The following TNRC18 variants were observed in gnomAD, a reference collection of about 807,000 sequenced individuals.
TNRC18 encodes the protein trinucleotide repeat-containing gene 18 protein.
A neutral mutation model predicts 226.7 loss-of-function variants in TNRC18; 69 were observed. The ratio of observed to expected loss-of-function variants is 0.30; its 90% CI spans 0.25 to 0.37. The LOEUF is 0.37. Among genes scored for constraint, TNRC18 ranks in the 10% least tolerant of loss-of-function variants. TNRC18 has a pLI of 1.00. For synonymous variants in TNRC18, 2,449 were observed against 1,927.6 expected (o/e 1.27, Z -7.09); for missense variants, 4,754 against 4,256.6 (o/e 1.12, Z -3.25).
chr7:5,310,988 G>T (rs1319308556), intron 27 of TNRC18, among the ~76,000 whole-genome samples: 3 of 151,698 alleles, frequency 2.0e-5, no homozygotes, highest in Non-Finnish European at 4.4e-5. Flanking sequence ...GCACGTGCAT[G>T]GATGCACGTG....
chr7:5,419,245 GAGT>G (rs1212001481), intron 2 of TNRC18, among the ~76,000 whole-genome samples: 1 of 152,270 alleles, frequency 6.6e-6, no homozygotes, highest in African/African-American at 2.4e-5. Context: ...ATGCATGCAT[GAGT>G]AGTAGCTTGT....
chr7:5,391,032 T>C (rs1780258998), intron 3 of TNRC18, among the ~76,000 whole-genome samples: 1 of 152,208 alleles, frequency 6.6e-6, no homozygotes, highest in African/African-American at 2.4e-5. Flanking sequence ...CCCAAGACGA[T>C]ACAGCAGAGC....
At chr7:5,362,058 G>A (rs1793113721) in intron 12 of TNRC18, 25 bp from the exon 13 acceptor site, 1 of 1,609,064 alleles carries the variant, frequency 6.2e-7, no homozygotes, top group African/African-American at 1.3e-5. Flanking sequence ...GGGAGAGGAG[G>A]AGGGGGTGAG....
intron 26 of TNRC18, among the ~76,000 whole-genome samples, 168 bp from the exon 27 acceptor site, chr7:5,314,031 C>T (rs2128106074): frequency 6.6e-6 from 1 of 151,972 alleles, no homozygotes; most frequent in East Asian, 1.9e-4. Flanking sequence ...CATCAGGGCT[C>T]ATTGCAGCCC....
At chr7:5,409,018 C>T (rs889882541) in intron 2 of TNRC18, among the ~76,000 whole-genome samples, 1 of 152,136 alleles carries the variant, frequency 6.6e-6, no homozygotes. Context: ...CTGGCTTCAA[C>T]GTCAACAGAC....
chr7:5,315,213 C>T (rs1397397964), intron 25 of TNRC18, 65 bp from the exon 26 acceptor site: 1 of 1,526,584 alleles, frequency 6.6e-7, no homozygotes, highest in Non-Finnish European at 8.8e-7. Flanking sequence ...TTCCAAGACC[C>T]TGGTCTGTCC....
intron 19 of TNRC18, among the ~76,000 whole-genome samples, chr7:5,325,945 G>T (rs1788874851): frequency 6.6e-6 from 1 of 151,368 alleles, no homozygotes; most frequent in African/African-American, 2.4e-5. Context: ...TGTTGCCCAG[G>T]CTGGTCTCAA....
intron 14 of TNRC18, 60 bp downstream of exon 14, chr7:5,361,534 C>A: frequency 4.9e-6 from 7 of 1,435,332 alleles, no homozygotes; most frequent in Non-Finnish European, 5.5e-6. Flanking sequence ...CTGCGTGGGG[C>A]CCGGGCTCCT....
intron 18 of TNRC18, among the ~76,000 whole-genome samples, chr7:5,338,782 T>G (rs552044188): frequency 1.3e-5 from 2 of 151,030 alleles, no homozygotes; most frequent in African/African-American, 4.9e-5. Flanking sequence ...TAGCCAGGCA[T>G]GGAGGCGCAT....
In TNRC18 at chr7:5,309,517, G is replaced by A. The variant is rs116966902; in HGVS notation, c.8389-149C>T. The A allele has an allele frequency of 2.1e-5, 14 of 674,326 alleles. No individual in the cohort carries two copies. The highest frequency in any genetic ancestry group is 5.5e-5 in the East Asian group (2 of 36,548). 41.8% of individuals were successfully genotyped at this position (674,326 alleles called of 1,614,324 possible). ...GGGAGATGAGGAAGCTCCTTGTCTCGCTTCAAGTGGGGAAGCCCCTCTTCC... is the reference window on the plus strand; with the variant it reads ...GGGAGATGAGGAAGCTCCTTGTCTCACTTCAAGTGGGGAAGCCCCTCTTCC... On this transcript the variant is annotated intron_variant, in intron 27 of 29. Transcript: ENST00000430969. This position sits in a 1 kb window ranked among gnomAD's most constrained non-coding sequence, Gnocchi z 5.7.
chr7:5,320,086 G>C, intron 24 of TNRC18: 1 of 518,802 alleles, frequency 1.9e-6, no homozygotes, highest in East Asian at 3.3e-5. Flanking sequence ...CAAGGAGCTA[G>C]TGTGAAGCCA....
chr7:5,360,908 C>A (rs187329132), intron 14 of TNRC18, among the ~76,000 whole-genome samples: 4 of 152,304 alleles, frequency 2.6e-5, no homozygotes, highest in African/African-American at 2.4e-5. Context: ...TTCCTCAGGG[C>A]AGGTCTTGAG....
chr7:5,364,928 G>C (rs1017491829), intron 11 of TNRC18, among the ~76,000 whole-genome samples: 1 of 151,618 alleles, frequency 6.6e-6, no homozygotes, highest in Admixed American at 6.6e-5. Context: ...TATGAGCTTG[G>C]ACCTTATAAA....
At chr7:5,389,564 C>T (rs1007748736) in intron 4 of TNRC18, 1 of 357,334 alleles carries the variant, frequency 2.8e-6, no homozygotes, top group Non-Finnish European at 4.7e-6. Flanking sequence ...AAGCGATTCT[C>T]CTGCCTCAGC....
chr7:5,348,082 A>G (rs976741587), intron 17 of TNRC18, among the ~76,000 whole-genome samples: 6 of 152,214 alleles, frequency 3.9e-5, no homozygotes. Context: ...CAGTCCCCGG[A>G]GCCCAGCCCA....
chr7:5,406,623 G>T (rs971796729), intron 2 of TNRC18, among the ~76,000 whole-genome samples: 6 of 152,080 alleles, frequency 3.9e-5, no homozygotes, highest in African/African-American at 1.4e-4. Flanking sequence ...GGCAGAAGCG[G>T]GCGGATCACC....
chr7:5,388,476 T>C lies in TNRC18; in HGVS notation c.1348A>G (p.Thr450Ala), dbSNP rs535736669. The C allele has an allele frequency of 9.7e-4, 1,357 of 1,392,058 alleles. 15 individuals are homozygous for C. In the African/African-American group the frequency reaches 0.019, roughly 20 times the overall value. 86.2% of individuals were successfully genotyped at this position (1,392,058 alleles called of 1,614,324 possible). Residue 450 changes from threonine (T) to alanine (A), a missense_variant, in exon 5 of 30, where the codon ACA becomes GCA. Physicochemically the swap from Thr to Ala is moderately conservative, Grantham distance 58 (BLOSUM62 0). Transcript: ENST00000430969. ...GCGCGGGGGTCCGGGGAGGCGCGTG[T>C]GGCCCGCACCGTGGGGGCATCCGCG... ...PPADAPTVRA[T>A]RASPDPRAYV...
At chr7:5,317,419 A>C (rs956976318) in intron 24 of TNRC18, among the ~76,000 whole-genome samples, 1 of 152,076 alleles carries the variant, frequency 6.6e-6, no homozygotes, top group Non-Finnish European at 1.5e-5. Flanking sequence ...GTGAAATCCT[A>C]TCTCTACTAA....
chr7:5,331,822 G>A (rs1789554939), intron 19 of TNRC18, among the ~76,000 whole-genome samples: 2 of 152,102 alleles, frequency 1.3e-5, no homozygotes, highest in Admixed American at 1.3e-4. Context: ...AGGTGGGAGG[G>A]CTGCTTGAGC....
Sources: gnomAD v4.1 joint callset for allele counts (sites outside exome capture counted in the v4.1 genomes callset) on GRCh38, gnomAD v4.1.1 for gene constraint, Gnocchi (gnomAD v3.1) non-coding constraint, MANE v1.5 for transcripts, NCBI Gene and HGNC (gene_info 2026-07-23, HGNC 2026-07-21) for gene names.